Variants in ERC2 observed in about 807,000 individuals in gnomAD.
ERC2 encodes ELKS/RAB6-interacting/CAST family member 2, also known as ERC protein 2.
In ERC2, 42 loss-of-function variants were observed where a neutral mutation model predicts 114.8. That is an observed-to-expected ratio of 0.37 (90% CI 0.29 to 0.47). The LOEUF (loss-of-function observed/expected upper bound fraction) is 0.47. Ranked by LOEUF, ERC2 falls within the 20% of genes least tolerant of loss-of-function variation. The probability of loss-of-function intolerance (pLI) is 0.99; values close to 1 mark genes in which losing one functional copy is unlikely to be tolerated. For missense variants in ERC2, 939 were observed against 1,150.7 expected (o/e 0.82, Z 2.66); for synonymous variants, 454 against 425.5 (o/e 1.07, Z -0.82).
At chr3:55,540,653 G>A (rs963359096) in intron 17 of ERC2, among the ~76,000 whole-genome samples, 1 of 152,148 alleles carries the variant, frequency 6.6e-6, no homozygotes, top group African/African-American at 2.4e-5. Flanking sequence ...GCCCCTCCCA[G>A]CTTTAACGTT....
At chr3:55,559,372 T>A (rs1041217107) in intron 17 of ERC2, among the ~76,000 whole-genome samples, 3 of 152,242 alleles carry the variant, frequency 2.0e-5, no homozygotes, top group Admixed American at 6.5e-5. Flanking sequence ...CATGCCCTCC[T>A]AGGGCAGGAC....
intron 14 of ERC2, among the ~76,000 whole-genome samples, chr3:55,744,838 G>A (rs906394002): frequency 7.2e-5 from 11 of 152,168 alleles, no homozygotes; most frequent in African/African-American, 2.7e-4. Flanking sequence ...ACAACTTGCA[G>A]TCAAGACCCT....
At chr3:55,987,085 C>T (rs1170024127) in intron 11 of ERC2, among the ~76,000 whole-genome samples, 2 of 152,154 alleles carry the variant, frequency 1.3e-5, no homozygotes, top group Admixed American at 1.3e-4. Flanking sequence ...GTGTTGATTA[C>T]AATGATACAA....
At chr3:56,405,575 T>C (rs79767082) in intron 2 of ERC2, among the ~76,000 whole-genome samples, 2,089 of 152,230 alleles carry the variant, frequency 0.014, 27 homozygotes, top group Non-Finnish European at 0.022. Flanking sequence ...TCATAATATA[T>C]ACCATAAGAC....
At chr3:56,244,570 C>G (rs375578206) in intron 3 of ERC2, among the ~76,000 whole-genome samples, 1 of 151,784 alleles carries the variant, frequency 6.6e-6, no homozygotes, top group South Asian at 2.1e-4. Context: ...ATGTGCAGGC[C>G]TGGACTAATG....
intron 6 of ERC2, among the ~76,000 whole-genome samples, chr3:56,103,576 GTC>G (rs1188637958): frequency 6.6e-6 from 1 of 152,128 alleles, no homozygotes; most frequent in Non-Finnish European, 1.5e-5. Context: ...ACATTTGGCA[GTC>G]TCTGTAGATA....
At chr3:56,428,568 G>GGAGGGGGAGGGAGA in intron 2 of ERC2, among the ~76,000 whole-genome samples, 1 of 82,214 alleles carries the variant, frequency 1.2e-5, no homozygotes, top group African/African-American at 3.4e-5. Flanking sequence ...AGGGAGGGAG[G>GGAGGGGGAGGGAGA]GAGGGGAGAA....
At chr3:55,720,257 C>T (rs1190615123) in intron 15 of ERC2, among the ~76,000 whole-genome samples, 1 of 73,250 alleles carries the variant, frequency 1.4e-5, no homozygotes. Context: ...CTCTCTCTCT[C>T]TCTCTGTCTA....
At chr3:56,357,901 T>C (rs950471662) in intron 2 of ERC2, among the ~76,000 whole-genome samples, 53 of 151,472 alleles carry the variant, frequency 3.5e-4, no homozygotes, top group African/African-American at 9.7e-4. Context: ...TGCCTGAATC[T>C]ATTCTGAGGC....
chr3:55,674,582 C>G (rs17055707), intron 17 of ERC2, among the ~76,000 whole-genome samples: 4,919 of 152,238 alleles, frequency 0.032, 273 homozygotes, highest in African/African-American at 0.11. Context: ...ATTATTATTT[C>G]AGGGCCTCGT....
At chr3:56,337,049 C>CA (rs2057883984) in intron 2 of ERC2, among the ~76,000 whole-genome samples, 1 of 151,988 alleles carries the variant, frequency 6.6e-6, no homozygotes, top group African/African-American at 2.4e-5. Flanking sequence ...TCTGATGCTT[C>CA]AAAAAAACCA....
intron 17 of ERC2, among the ~76,000 whole-genome samples, chr3:55,646,486 G>C (rs760513798): frequency 6.6e-6 from 1 of 152,212 alleles, no homozygotes; most frequent in South Asian, 2.1e-4. Flanking sequence ...GTGGAATTTA[G>C]ATGAATGATT....
intron 17 of ERC2, among the ~76,000 whole-genome samples, chr3:55,546,900 G>A (rs2054794996): frequency 6.6e-6 from 1 of 152,220 alleles, no homozygotes; most frequent in African/African-American, 2.4e-5. Context: ...CTGAAGCTCA[G>A]TTCAAGTCCA....
At chr3:56,292,893 A>G (rs562360835) in intron 3 of ERC2, among the ~76,000 whole-genome samples, 5 of 152,176 alleles carry the variant, frequency 3.3e-5, no homozygotes, top group Non-Finnish European at 5.9e-5. Context: ...ACAACCCAAC[A>G]TAAAATTAGC....
At chr3:55,825,040 AT>A (rs1156406746) in intron 14 of ERC2, among the ~76,000 whole-genome samples, 1 of 152,010 alleles carries the variant, frequency 6.6e-6, no homozygotes, top group East Asian at 1.9e-4. Flanking sequence ...TAGAGTCACC[AT>A]TTTTTTTATC....
At chr3:56,408,079 C>G (rs191634399) in intron 2 of ERC2, among the ~76,000 whole-genome samples, 4 of 152,236 alleles carry the variant, frequency 2.6e-5, no homozygotes, top group East Asian at 1.9e-4. Context: ...ATTTTTGTGT[C>G]AGTGAAGAAA....
rs144892325 is a variant in ERC2, at chr3:56,354,499, C to A, written c.658-58064G>T. 9.9e-5 allele frequency among the ~76,000 whole-genome samples: 15 copies of A among 152,270 alleles called. No individual in the cohort carries two copies. In the East Asian group the frequency reaches 2.9e-3, roughly 29 times the overall value. On this transcript the variant is annotated intron_variant, in intron 2 of 17. Coordinates refer to ENST00000288221, the MANE Select transcript of ERC2 (RefSeq NM_015576.3). ...GCCAGGGATGCCGCTAGACCTCTTA[C>A]AATGCACAGGGCAGTCCCCCATAAC...
chr3:56,285,032 T>TACACACACAC (rs10575135), intron 3 of ERC2, among the ~76,000 whole-genome samples: 10 of 106,898 alleles, frequency 9.4e-5, no homozygotes, highest in African/African-American at 3.3e-4. Context: ...CACACACACA[T>TACACACACAC]ACACACACAC....
At chr3:56,005,077 A>T (rs2072376938) in intron 10 of ERC2, among the ~76,000 whole-genome samples, 1 of 152,100 alleles carries the variant, frequency 6.6e-6, no homozygotes, top group Admixed American at 6.6e-5. Context: ...AATGCTAGAC[A>T]GCCAAAAATA....
Sources: allele counts gnomAD v4.1 joint callset (sites outside exome capture counted in the v4.1 genomes callset), GRCh38; gene constraint gnomAD v4.1.1; transcripts MANE v1.5; gene names NCBI Gene and HGNC (gene_info 2026-07-23, HGNC 2026-07-21).